DGKI: variants seen among roughly 807,000 people sequenced by gnomAD.
DGKI encodes DAG kinase iota.
A neutral mutation model predicts 147.5 loss-of-function variants in DGKI; 55 were observed. That is an observed-to-expected ratio of 0.37 (90% CI 0.30 to 0.47). DGKI has a LOEUF of 0.47. Ranked by LOEUF, DGKI falls within the 20% of genes least tolerant of loss-of-function variation. DGKI has a pLI of 1.00. For synonymous variants in DGKI, 469 were observed against 477.1 expected (o/e 0.98, Z 0.22); for missense variants, 1,007 against 1,323.8 (o/e 0.76, Z 3.71).
rs544351329 is a variant in DGKI, at chr7:137,585,661, C to A, written c.1426-315G>T. ...TTTGTTATCAGAGTAAAAAACAGGACTCCCCATGGCTCTCACTGGAGGAAT... is the reference window on the plus strand; with the variant it reads ...TTTGTTATCAGAGTAAAAAACAGGAATCCCCATGGCTCTCACTGGAGGAAT... On this transcript the variant is annotated intron_variant, in intron 13 of 32. Transcript: ENST00000614521. Among the ~76,000 whole-genome samples, 6 of 152,306 alleles carry A rather than the reference C, an allele frequency of 3.9e-5. No individual in the cohort carries two copies. In the South Asian group the frequency reaches 1.2e-3, roughly 32 times the overall value.
intron 19 of DGKI, among the ~76,000 whole-genome samples, chr7:137,561,678 C>G (rs1628676): frequency 0.051 from 7,820 of 151,940 alleles, 514 homozygotes; most frequent in African/African-American, 0.13. Flanking sequence ...TGTATTCCAT[C>G]AATATGCACA....
intron 27 of DGKI, among the ~76,000 whole-genome samples, chr7:137,458,422 A>G (rs1186167549): frequency 6.6e-6 from 1 of 152,162 alleles, no homozygotes; most frequent in Non-Finnish European, 1.5e-5. Context: ...GTGACAGTCC[A>G]TTTTAGTTCT....
chr7:137,777,415 A>G (rs899914008), intron 1 of DGKI, among the ~76,000 whole-genome samples: 5 of 152,178 alleles, frequency 3.3e-5, no homozygotes, highest in African/African-American at 7.2e-5. Context: ...AGAAACAAAG[A>G]AAGGTTGACA....
chr7:137,632,872 A>G (rs1466771177), intron 6 of DGKI, among the ~76,000 whole-genome samples: 1 of 148,782 alleles, frequency 6.7e-6, no homozygotes, highest in Non-Finnish European at 1.5e-5. Flanking sequence ...TAAATAAACA[A>G]ACAAACAAAC....
At chr7:137,410,309 G>C (rs529199764) in intron 29 of DGKI, among the ~76,000 whole-genome samples, 12 of 152,278 alleles carry the variant, frequency 7.9e-5, no homozygotes, top group African/African-American at 2.9e-4. Context: ...GGAGGCTAAG[G>C]CAGGAGAATG....
At chr7:137,757,208 C>T (rs913617231) in intron 1 of DGKI, among the ~76,000 whole-genome samples, 46 of 151,908 alleles carry the variant, frequency 3.0e-4, no homozygotes, top group African/African-American at 1.0e-3. Flanking sequence ...GCTTCCCCCA[C>T]CCCACTTCAG....
intron 21 of DGKI, among the ~76,000 whole-genome samples, chr7:137,520,736 C>T (rs182711718): frequency 5.5e-4 from 83 of 152,122 alleles, no homozygotes; most frequent in African/African-American, 1.7e-3. Context: ...GGATATGGCT[C>T]CTCACCTCGT....
At position 137,731,733 on chromosome 7, in the gene DGKI, C is replaced by T. The variant is rs568373499; in HGVS notation, c.402-41731G>A. On this transcript the variant is annotated intron_variant, in intron 1 of 32. Transcript: ENST00000614521. ...TGTTTGATTTCTCGGCTTCCTAAAT[C>T]TGGCCTCGCCACTGAATAGACATAA... Among the ~76,000 whole-genome samples the T allele has an allele frequency of 2.0e-5, 3 of 152,202 alleles. No homozygotes were observed. The South Asian group carries it at 6.2e-4, about 32-fold the overall frequency.
chr7:137,604,936 A>G, intron 10 of DGKI, among the ~76,000 whole-genome samples: 1 of 152,206 alleles, frequency 6.6e-6, no homozygotes, highest in Non-Finnish European at 1.5e-5. Context: ...CTAGTACTCG[A>G]AAGTTTCCAC....
intron 10 of DGKI, among the ~76,000 whole-genome samples, chr7:137,608,307 T>C (rs1029893022): frequency 1.3e-5 from 2 of 152,172 alleles, no homozygotes; most frequent in Non-Finnish European, 2.9e-5. Context: ...AGTGGGAAGA[T>C]AATCGGATGA....
intron 28 of DGKI, among the ~76,000 whole-genome samples, chr7:137,412,934 T>A (rs7384613): frequency 0.024 from 3,637 of 151,834 alleles, 149 homozygotes; most frequent in Admixed American, 0.11. Flanking sequence ...GAAAAAAAAA[T>A]ATACGTGTCT....
rs77973261 is a variant in DGKI at position 137,797,305 on chromosome 7, C to A, written c.401+49157G>T. On this transcript the variant is annotated intron_variant, in intron 1 of 32. Transcript: ENST00000614521. ...ATCCTACAAGAAATACTAAAAAGAA[C>A]CCTTCTGCTAAAATGAAGGAACACT... Among the ~76,000 whole-genome samples the A allele has an allele frequency of 1.7e-3, 259 of 152,196 alleles. 3 individuals carry two copies. In the East Asian group the frequency reaches 0.031, roughly 18 times the overall value.
At chr7:137,499,502 G>T (rs540835508) in intron 21 of DGKI, among the ~76,000 whole-genome samples, 2 of 152,100 alleles carry the variant, frequency 1.3e-5, no homozygotes, top group Non-Finnish European at 2.9e-5. Flanking sequence ...AAGTGTCATC[G>T]TGTCATCCAA....
intron 28 of DGKI, 38 bp from the exon 29 acceptor site, chr7:137,412,245 G>A: frequency 6.3e-7 from 1 of 1,583,832 alleles, no homozygotes. Flanking sequence ...ATTAGTAGAA[G>A]ACCCTCTTAT....
Position 137,390,937 on chromosome 7 carries a change from A to G in DGKI, c.*283T>C. 9.3e-6 allele frequency: 4 copies of G among 427,880 alleles called. No homozygotes were observed. In the South Asian group the frequency reaches 1.0e-4, roughly 11 times the overall value. The allele number at this position is 427,880 out of a possible 1,614,324, so 26.5% of individuals were successfully genotyped here. On this transcript the variant is annotated 3_prime_UTR_variant, in exon 33 of 33. Transcript: ENST00000614521. ...TTTAAAATAAATTATACAGGTGAAC[A>G]CAGAAGTTCATGCTACTTGCTGGAA...
intron 6 of DGKI, among the ~76,000 whole-genome samples, chr7:137,629,328 T>A (rs541220896): frequency 6.6e-6 from 1 of 152,214 alleles, no homozygotes; most frequent in East Asian, 1.9e-4. Flanking sequence ...AAGATGAAAA[T>A]TTTAAAATCA....
At chr7:137,482,771 T>C (rs1240130536) in intron 23 of DGKI, among the ~76,000 whole-genome samples, 1 of 152,028 alleles carries the variant, frequency 6.6e-6, no homozygotes, top group Non-Finnish European at 1.5e-5. Flanking sequence ...CTCTTTTTCT[T>C]TCCTGTTTAA....
Position 137,700,878 on chromosome 7 carries a change from CAAATAAATAAATAAATAAAT to C in DGKI, c.402-10896_402-10877del, listed in dbSNP as rs143983872. On this transcript the variant is annotated intron_variant, in intron 1 of 32. Coordinates refer to ENST00000614521, the MANE Select transcript of DGKI (RefSeq NM_001321708.2). ...GGGCGACAAGAGCGAAGCTCCGTCTCAAATAAATAAATAAATAAATAAATAAATAAATAAATAAATAAATA... is the reference window on the plus strand; with the variant it reads ...GGGCGACAAGAGCGAAGCTCCGTCTCAAATAAATAAATAAATAAATAAATA... Among the ~76,000 whole-genome samples, 20 of 146,712 alleles carry C rather than the reference CAAATAAATAAATAAATAAAT, an allele frequency of 1.4e-4. No individual in the cohort carries two copies. In the South Asian group the frequency reaches 1.7e-3, roughly 13 times the overall value.
intron 21 of DGKI, among the ~76,000 whole-genome samples, chr7:137,505,043 G>A (rs571229152): frequency 9.8e-5 from 14 of 142,852 alleles, no homozygotes; most frequent in African/African-American, 2.6e-4. Flanking sequence ...ACCAAACACC[G>A]CATGTTCTCA....
Sources: gnomAD v4.1 joint callset for allele counts (sites outside exome capture counted in the v4.1 genomes callset) on GRCh38, gnomAD v4.1.1 for gene constraint, MANE v1.5 for transcripts, NCBI Gene and HGNC (gene_info 2026-07-23, HGNC 2026-07-21) for gene names.